Variants in SLC15A5 observed in about 807,000 individuals in gnomAD.
SLC15A5 encodes the protein Peptide/histidine transporter ENSP00000340402.
In SLC15A5, 58 loss-of-function variants were observed where a neutral mutation model predicts 56.1. The observed-to-expected ratio is 1.03, with a 90% CI of 0.84 to 1.29. The LOEUF (loss-of-function observed/expected upper bound fraction) is 1.29. Among genes scored for constraint, SLC15A5 ranks in the 50% most tolerant of loss-of-function variants. SLC15A5 has a pLI of 0.00. For synonymous variants in SLC15A5, 264 were observed against 250.5 expected (o/e 1.05, Z -0.51); for missense variants, 681 against 672.1 (o/e 1.01, Z -0.15).
intron 1 of SLC15A5, among the ~76,000 whole-genome samples, chr12:16,275,004 T>C (rs1864801289): frequency 6.6e-6 from 1 of 152,040 alleles, no homozygotes; most frequent in Non-Finnish European, 1.5e-5. Context: ...AGTAGCTCTG[T>C]AGAAGCACCA....
intron 6 of SLC15A5, among the ~76,000 whole-genome samples, chr12:16,220,372 A>G (rs2136247842): frequency 6.6e-6 from 1 of 152,234 alleles, no homozygotes; most frequent in African/African-American, 2.4e-5. Context: ...CAATTTTACT[A>G]TACATGTAGA....
intron 1 of SLC15A5, among the ~76,000 whole-genome samples, chr12:16,276,818 T>G (rs1864825545): frequency 3.9e-5 from 6 of 152,030 alleles, no homozygotes; most frequent in Admixed American, 3.9e-4. Flanking sequence ...CTAAAGCATA[T>G]AATCATAGTT....
chr12:16,214,155 G>T (rs1170796714), intron 7 of SLC15A5, among the ~76,000 whole-genome samples: 1 of 152,316 alleles, frequency 6.6e-6, no homozygotes, highest in African/African-American at 2.4e-5. Context: ...TAAGGTTGTT[G>T]TAATAAATGC....
At chr12:16,253,852 C>T (rs953737299) in intron 3 of SLC15A5, among the ~76,000 whole-genome samples, 2 of 152,032 alleles carry the variant, frequency 1.3e-5, no homozygotes, top group African/African-American at 2.4e-5. Flanking sequence ...ATGGTGCAGC[C>T]ATTGTGGAAA....
At chr12:16,220,018 C>T (rs902123155) in intron 6 of SLC15A5, among the ~76,000 whole-genome samples, 2 of 152,084 alleles carry the variant, frequency 1.3e-5, no homozygotes, top group Non-Finnish European at 2.9e-5. Flanking sequence ...CCTAAGGCAC[C>T]TGGTACTGGG....
chr12:16,227,585 CA>C (rs1591648421), intron 5 of SLC15A5, among the ~76,000 whole-genome samples: 1 of 152,134 alleles, frequency 6.6e-6, no homozygotes, highest in Non-Finnish European at 1.5e-5. Flanking sequence ...AGCAAAGGGA[CA>C]GCGTTGTGAA....
chr12:16,201,908 A>G (rs1863961188), intron 7 of SLC15A5, among the ~76,000 whole-genome samples: 1 of 152,170 alleles, frequency 6.6e-6, no homozygotes, highest in South Asian at 2.1e-4. Flanking sequence ...CTGTATATCT[A>G]CATGCAGAAG....
At position 16,239,783 on chromosome 12, in the gene SLC15A5, T is replaced by C. The variant is rs763315522; in HGVS notation, c.1060A>G (p.Ile354Val). Residue 354 changes from isoleucine (I) to valine (V), a missense_variant, in exon 5 of 9, where the codon ATC becomes GTC. Ile to Val is a conservative substitution (Grantham distance 29). Transcript: ENST00000344941. ...AGAATTAGTAATGGTAGGCTGCTGA[T>C]GGCATTCATTACTGCAATCGGCAGA... is the stretch of plus-strand genomic sequence containing the variant. ...FLLPIAVMNA[I>V]SSLPLLILAP... 6 of 1,537,290 alleles carry C rather than the reference T, an allele frequency of 3.9e-6. No homozygotes were observed. The highest frequency in any genetic ancestry group is 1.2e-5 in the South Asian group (1 of 84,064).
chr12:16,215,216 A>C (rs888127834), intron 7 of SLC15A5, among the ~76,000 whole-genome samples: 6 of 143,782 alleles, frequency 4.2e-5, no homozygotes, highest in South Asian at 4.7e-4. Context: ...AAAAAAAAAA[A>C]AAAAAAAAAA....
intron 1 of SLC15A5, among the ~76,000 whole-genome samples, chr12:16,274,211 G>T (rs1263532425): frequency 1.3e-5 from 2 of 151,880 alleles, no homozygotes; most frequent in Non-Finnish European, 2.9e-5. Context: ...TCAGTCAAAG[G>T]CATTCCTATT....
chr12:16,197,441 A>G (rs1863904782), intron 7 of SLC15A5, among the ~76,000 whole-genome samples: 1 of 1,184 alleles, frequency 8.4e-4, no homozygotes. Context: ...TAGAAAGGGC[A>G]TGGGCTTTAG....
chr12:16,212,322 T>A (rs1380246011), intron 7 of SLC15A5, among the ~76,000 whole-genome samples: 2 of 152,200 alleles, frequency 1.3e-5, no homozygotes, highest in Non-Finnish European at 2.9e-5. Context: ...TTCCTTTTTT[T>A]ATTAAGAAAA....
At chr12:16,258,121 A>G (rs973629855) in intron 2 of SLC15A5, among the ~76,000 whole-genome samples, 3 of 152,174 alleles carry the variant, frequency 2.0e-5, no homozygotes, top group African/African-American at 7.2e-5. Context: ...CATCTAAATC[A>G]GAGGTTGGCA....
chr12:16,250,071 G>T (rs1864504841), intron 3 of SLC15A5, among the ~76,000 whole-genome samples: 1 of 151,954 alleles, frequency 6.6e-6, no homozygotes, highest in Non-Finnish European at 1.5e-5. Flanking sequence ...CTCAGTATGT[G>T]GTGTAATAGA....
Position 16,267,547 on chromosome 12 carries a change from C to T in SLC15A5, c.584+5014G>A, listed in dbSNP as rs957272087. Among the ~76,000 whole-genome samples the T allele has an allele frequency of 4.4e-5, 5 of 113,420 alleles. 1 individual carries two copies. Among genetic ancestry groups the T allele is most frequent in the African/African-American group, 1.7e-4 (5 of 29,010 alleles). The allele number at this position is 113,420 out of a possible 152,430, so 74.4% of individuals were successfully genotyped here. A position where few individuals can be genotyped will look rare whatever the true frequency, so the allele number is the denominator to read the frequency against. ...TAAAATATTGATTTTGGTAACTAGACATTAGGATTGAAGAAGTTAAGTTTT... is the reference window on the plus strand; with the variant it reads ...TAAAATATTGATTTTGGTAACTAGATATTAGGATTGAAGAAGTTAAGTTTT... On this transcript the variant is annotated intron_variant, in intron 2 of 8. Coordinates refer to ENST00000344941, the MANE Select transcript of SLC15A5 (RefSeq NM_001170798.1).
chr12:16,202,758 A>G (rs1246213283), intron 7 of SLC15A5, among the ~76,000 whole-genome samples: 3 of 152,210 alleles, frequency 2.0e-5, no homozygotes, highest in Non-Finnish European at 4.4e-5. Flanking sequence ...AGTGGTATAT[A>G]TACACAATGG....
intron 4 of SLC15A5, among the ~76,000 whole-genome samples, chr12:16,240,723 C>G (rs558374720): frequency 6.6e-6 from 1 of 152,160 alleles, no homozygotes; most frequent in African/African-American, 2.4e-5. Context: ...GATATCAGAA[C>G]CAAGGGATGA....
intron 5 of SLC15A5, among the ~76,000 whole-genome samples, chr12:16,231,801 A>G (rs12825219): frequency 1.3e-5 from 2 of 152,200 alleles, no homozygotes; most frequent in African/African-American, 4.8e-5. Flanking sequence ...GACATCCTCC[A>G]TTCCTATCTG....
At chr12:16,263,991 A>C (rs61916971) in intron 2 of SLC15A5, among the ~76,000 whole-genome samples, 26,029 of 152,246 alleles carry the variant, frequency 0.17, 2,570 homozygotes, top group Non-Finnish European at 0.22. Context: ...ATGTGGGATC[A>C]GAGCACCCAC....
Sources: allele counts gnomAD v4.1 joint callset (sites outside exome capture counted in the v4.1 genomes callset), GRCh38; gene constraint gnomAD v4.1.1; transcripts MANE v1.5; gene names NCBI Gene and HGNC (gene_info 2026-07-23, HGNC 2026-07-21).